The following SPAG5 variants were observed in gnomAD, a reference collection of about 807,000 sequenced individuals.
SPAG5 encodes the protein sperm-associated antigen 5.
SPAG5 carries 99 observed loss-of-function variants against 145.4 expected under a neutral mutation model. That is an observed-to-expected ratio of 0.68 (90% CI 0.58 to 0.80). SPAG5 has a LOEUF of 0.80. SPAG5 is among the 30% of genes least tolerant of loss of function. The pLI is 0.00. For missense variants in SPAG5, 1,192 were observed against 1,416.0 expected (o/e 0.84, Z 2.54); for synonymous variants, 477 against 525.4 (o/e 0.91, Z 1.26).
Position 28,583,945 on chromosome 17 carries a change from A to G in SPAG5, c.2454T>C (p.Gly818=), listed in dbSNP as rs1666788026. ...QENQVAHLEL[G]QVECQLKTTL... is the part of the protein sequence containing the mutation. ...TGGTTTTCAATTGACACTCAACCTGACCCAGCTCCAGGTGAGCAACCTGAT... is the reference window on the plus strand; with the variant it reads ...TGGTTTTCAATTGACACTCAACCTGGCCCAGCTCCAGGTGAGCAACCTGAT... Residue 818 remains glycine (G), a synonymous_variant, in exon 14 of 24, where the codon GGT becomes GGC. Transcript: ENST00000321765. 5.0e-6 allele frequency: 8 copies of G among 1,613,998 alleles called. No individual in the cohort carries two copies. The highest frequency in any genetic ancestry group is 5.9e-6 in the Non-Finnish European group (7 of 1,180,026).
At position 28,592,875 on chromosome 17, in the gene SPAG5, G is replaced by T; in HGVS notation, c.369C>A (p.Gly123=). ...GGACGATGGTTTTAACCATATAATT[G>T]CCCAGTGGGTCTACTGCTTCCTCAG... ...KTSEEAVDPL[G]NYMVKTIVLV... is the part of the protein sequence containing the mutation. Residue 123 remains glycine, a synonymous_variant, in exon 3 of 24, where the codon GGC becomes GGA. Coordinates refer to ENST00000321765, the MANE Select transcript of SPAG5 (RefSeq NM_006461.4). 6 of 1,614,140 alleles carry T rather than the reference G, an allele frequency of 3.7e-6. No homozygotes were observed. Among genetic ancestry groups the T allele is most frequent in the Non-Finnish European group, 5.1e-6 (6 of 1,180,018 alleles).
At chr17:28,579,876 T>TC in intron 16 of SPAG5, 39 bp from the exon 17 acceptor site, 1 of 1,593,892 alleles carries the variant, frequency 6.3e-7, no homozygotes, top group Non-Finnish European at 8.6e-7. Flanking sequence ...GCCCCTCTGA[T>TC]GATCCAGGCA....
rs1390361291 is a variant in SPAG5 at position 28,592,634 on chromosome 17, C to T, written c.610G>A (p.Glu204Lys). 4.3e-6 allele frequency: 7 copies of T among 1,614,114 alleles called. No homozygotes were observed. The highest frequency in any genetic ancestry group is 5.9e-6 in the Non-Finnish European group (7 of 1,180,020). Reference protein sequence around the residue: ...FQESPSHLLEESPPNPCSEQL... With the variant: ...FQESPSHLLEKSPPNPCSEQL... ...TCAGAACAGGGATTTGGTGGAGACT[C>T]CTCTAAGAGATGGGACGGAGATTCC... The change falls in exon 3 of 24, where the codon GAG becomes AAG. Residue 204 changes from glutamate (E) to lysine (K), a missense_variant. Glu to Lys is a moderately conservative substitution (Grantham distance 56, BLOSUM62 1). Coordinates refer to ENST00000321765, the MANE Select transcript of SPAG5 (RefSeq NM_006461.4).
chr17:28,583,823 G>A (rs774373380), intron 14 of SPAG5, 30 bp downstream of exon 14: 36 of 1,594,188 alleles, frequency 2.3e-5, no homozygotes, highest in Admixed American at 1.6e-4. Context: ...TAAGCACTTA[G>A]GGGGAAGTAC....
chr17:28,583,404 C>A (rs2070560928), intron 15 of SPAG5, 107 bp downstream of exon 15: 4 of 1,289,902 alleles, frequency 3.1e-6, no homozygotes, highest in Non-Finnish European at 4.2e-6. Flanking sequence ...CTGTAGGTAA[C>A]TGAAATCATA....
chr17:28,579,034 G>T, intron 19 of SPAG5, 107 bp downstream of exon 19: 1 of 953,898 alleles, frequency 1.0e-6, no homozygotes, highest in Non-Finnish European at 1.6e-6. Context: ...CTAGGGCAGT[G>T]GTTGGAAAAT....
In SPAG5 at chr17:28,591,987, C is replaced by T; in HGVS notation, c.1257G>A (p.Leu419=). 1 of 1,613,722 alleles carries T rather than the reference C, an allele frequency of 6.2e-7. No homozygotes were observed. The highest frequency in any genetic ancestry group is 8.5e-7 in the Non-Finnish European group (1 of 1,179,672). Reference sequence around the variant, plus strand: ...AAGGACATAGGGGCGCTTACCCACACAGGAGCTGCTCTGTCTCAGAAGTAC... The same window carrying T: ...AAGGACATAGGGGCGCTTACCCACATAGGAGCTGCTCTGTCTCAGAAGTAC... ...KHSTSETEQL[L]CGRPPDLTAL... Residue 419 remains leucine (L), a synonymous_variant, in exon 3 of 24, where the codon CTG becomes CTA. Coordinates refer to ENST00000321765, the MANE Select transcript of SPAG5 (RefSeq NM_006461.4).
intron 4 of SPAG5, among the ~76,000 whole-genome samples, chr17:28,588,760 C>T (rs1261663509): frequency 6.6e-6 from 1 of 152,184 alleles, no homozygotes. Context: ...CGGCTCACTG[C>T]AACCTCTACC....
At chr17:28,579,646 T>G in intron 17 of SPAG5, 105 bp downstream of exon 17, 1 of 1,387,458 alleles carries the variant, frequency 7.2e-7, no homozygotes, top group Non-Finnish European at 1.0e-6. Context: ...TGAGCCCAAG[T>G]AGAATTGAGG....
intron 10 of SPAG5, 94 bp downstream of exon 10, chr17:28,585,008 G>A: frequency 8.1e-7 from 1 of 1,237,562 alleles, no homozygotes; most frequent in Non-Finnish European, 1.2e-6. Context: ...CAAACCCACA[G>A]GGTGAAAAGA....
Position 28,592,265 on chromosome 17 carries a change from C to G in SPAG5, c.979G>C (p.Asp327His), listed in dbSNP as rs577205968. ...TCAGAGCCAAGAATCCTACCAACAT[C>G]TTCTACTGCTGGGCCTGGAGCTTCT... ...SQEAPGPAVE[D>H]VGRILGSDTE... The change falls in exon 3 of 24, where the codon GAT (aspartate) becomes CAT (histidine). Residue 327 changes from aspartate to histidine, a missense_variant. Around this residue, in one of 5 missense-constraint regions of SPAG5, gnomAD observed 21 missense variants for 48.6 expected, o/e 0.43. Coordinates refer to ENST00000321765, the MANE Select transcript of SPAG5 (RefSeq NM_006461.4). The G allele has an allele frequency of 1.1e-5, 17 of 1,614,112 alleles. No homozygotes were observed. The highest frequency in any genetic ancestry group is 1.3e-5 in the Non-Finnish European group (15 of 1,180,058).
intron 4 of SPAG5, 83 bp downstream of exon 4, chr17:28,591,615 C>T: frequency 7.9e-7 from 1 of 1,269,908 alleles, no homozygotes; most frequent in Admixed American, 2.2e-5. Flanking sequence ...GATAGGAGTC[C>T]CCTTTGCCCT....
At position 28,585,409 on chromosome 17, in the gene SPAG5, T is replaced by A; in HGVS notation, c.1863A>T (p.Val621=). ...GLLKDAQTQL[V]GLHAKQEELV... ...GCTCTTCTTGCTTGGCATGAAGCCC[T>A]ACCTACAAAAGAAAGATTGCCTAGG... Residue 621 remains valine, a splice_region_variant and synonymous_variant, in exon 9 of 24, where the codon GTA becomes GTT. Transcript: ENST00000321765. 1 of 1,614,202 alleles carries A rather than the reference T, an allele frequency of 6.2e-7. No homozygotes were observed. The highest frequency in any genetic ancestry group is 8.5e-7 in the Non-Finnish European group (1 of 1,180,024).
chr17:28,579,460 C>T lies in SPAG5; in HGVS notation c.2910G>A (p.Leu970=). The change falls in exon 18 of 24, where the codon CTG becomes CTA. Residue 970 remains leucine (L), a synonymous_variant. Coordinates refer to ENST00000321765, the MANE Select transcript of SPAG5 (RefSeq NM_006461.4). ...PAETPGMEES[L]AEMSIMTTEL... is the part of the protein sequence containing the mutation. ...CAGTAGTCATAATACTCATTTCTGCCAGGCTCTCCTCCATGCCTGGGGTCT... is the reference window on the plus strand; with the variant it reads ...CAGTAGTCATAATACTCATTTCTGCTAGGCTCTCCTCCATGCCTGGGGTCT... 4.3e-6 allele frequency: 7 copies of T among 1,614,082 alleles called. No homozygotes were observed. Among genetic ancestry groups the T allele is most frequent in the Non-Finnish European group, 5.9e-6 (7 of 1,179,984 alleles).
At position 28,592,123 on chromosome 17, in the gene SPAG5, A is replaced by G. The variant is rs1051754588; in HGVS notation, c.1121T>C (p.Ile374Thr). 3.1e-6 allele frequency: 5 copies of G among 1,614,034 alleles called. No homozygotes were observed. The highest frequency in any genetic ancestry group is 3.4e-6 in the Non-Finnish European group (4 of 1,180,034). Residue 374 changes from isoleucine to threonine, a missense_variant, in exon 3 of 24, where the codon ATT becomes ACT. By Grantham distance (89) the Ile-to-Thr change is moderately conservative. This residue lies in a region of SPAG5 where 125 missense variants were observed against 143.8 expected (regional missense o/e 0.87). Coordinates refer to ENST00000321765, the MANE Select transcript of SPAG5 (RefSeq NM_006461.4). ...GCAAGTAGAGAAAGGGGTAGTGCCA[A>G]TTGCAGCATCCCGAAGCATCGAGGG... ...SLPSMLRDAAIGTTPFSTCSV... is the reference protein window; with the variant it reads ...SLPSMLRDAATGTTPFSTCSV...
At position 28,592,987 on chromosome 17, in the gene SPAG5, G is replaced by A. The variant is rs2070634316; in HGVS notation, c.257C>T (p.Ser86Phe). ...TDLSSEHFSHSSKWLETCQHE... is the reference protein window; with the variant it reads ...TDLSSEHFSHFSKWLETCQHE... Reference sequence around the variant, plus strand: ...CTGACAAGTTTCTAGCCACTTTGAGGAATGACTGAAATGTTCTGAAGATAA... The same window carrying A: ...CTGACAAGTTTCTAGCCACTTTGAGAAATGACTGAAATGTTCTGAAGATAA... The change falls in exon 3 of 24, where the codon TCC becomes TTC. Residue 86 changes from serine to phenylalanine, a missense_variant. Coordinates refer to ENST00000321765, the MANE Select transcript of SPAG5 (RefSeq NM_006461.4). 2 of 1,614,042 alleles carry A rather than the reference G, an allele frequency of 1.2e-6. No homozygotes were observed. The highest frequency in any genetic ancestry group is 2.7e-5 in the African/African-American group (2 of 74,928).
At chr17:28,579,952 G>A (rs2070539582) in intron 16 of SPAG5, 57 bp downstream of exon 16, 1 of 1,531,572 alleles carries the variant, frequency 6.5e-7, no homozygotes, top group Non-Finnish European at 9.0e-7. Context: ...TTCAACAGCA[G>A]AAGATATCAG....
In SPAG5 at chr17:28,578,153, A is replaced by G. The variant is rs865817657; in HGVS notation, c.3430-63T>C. On this transcript the variant is annotated intron_variant, in intron 22 of 23. Transcript: ENST00000321765. ...AAGAGCAAACTTGGTAGGACAGGGG[A>G]AACATGGCGGGGCATTTGTTAACGA... 4.3e-5 allele frequency: 69 copies of G among 1,609,268 alleles called. No homozygotes were observed. In the Middle Eastern group the frequency reaches 9.9e-4, roughly 23 times the overall value.
chr17:28,578,288 T>C lies in SPAG5; in HGVS notation c.3359A>G (p.Asp1120Gly), dbSNP rs746318485. The change falls in exon 22 of 24, where the codon GAC (aspartate) becomes GGC (glycine). Residue 1120 changes from aspartate to glycine, a missense_variant. By Grantham distance (94) the Asp-to-Gly change is moderately conservative. This residue lies in a region of SPAG5 where 709 missense variants were observed against 840.7 expected (regional missense o/e 0.84). Transcript: ENST00000321765. Reference sequence around the variant, plus strand: ...CTCCAGGAACATCACTCTCAGTTTGTCCACCTAGAAATATGTCCAGATCAA... The same window carrying C: ...CTCCAGGAACATCACTCTCAGTTTGCCCACCTAGAAATATGTCCAGATCAA... ...QEKVWLSQEVDKLRVMFLEMK... is the reference protein window; with the variant it reads ...QEKVWLSQEVGKLRVMFLEMK... The C allele has an allele frequency of 8.1e-6, 13 of 1,614,146 alleles. No homozygotes were observed. Among genetic ancestry groups the C allele is most frequent in the Non-Finnish European group, 1.1e-5 (13 of 1,180,006 alleles).
Sources: allele counts gnomAD v4.1 joint callset (sites outside exome capture counted in the v4.1 genomes callset), GRCh38; gene constraint gnomAD v4.1.1; regional missense constraint gnomAD v4.1.1; transcripts MANE v1.5; gene names NCBI Gene and HGNC (gene_info 2026-07-23, HGNC 2026-07-21).